The following TMEM132A variants were observed in gnomAD, a reference collection of about 807,000 sequenced individuals.
TMEM132A encodes GRP78-binding protein.
TMEM132A carries 48 observed loss-of-function variants against 69.9 expected under a neutral mutation model. The ratio of observed to expected loss-of-function variants is 0.69; its 90% CI spans 0.55 to 0.87. The LOEUF (loss-of-function observed/expected upper bound fraction) is 0.87. TMEM132A is among the 40% of genes least tolerant of loss of function. The probability of loss-of-function intolerance (pLI) is 0.00; values close to 1 mark genes in which losing one functional copy is unlikely to be tolerated. For synonymous variants in TMEM132A, 577 were observed against 613.7 expected (o/e 0.94, Z 0.88); for missense variants, 1,287 against 1,407.2 (o/e 0.91, Z 1.37).
rs976230053 is a variant in TMEM132A, at chr11:60,927,356, C to T, written c.253C>T (p.Gln85Ter). Residue 85 changes from glutamine to a stop codon, truncating the protein, a stop_gained, in exon 2 of 11, where the codon CAG becomes TAG. Transcript: ENST00000453848. LOFTEE classifies it high-confidence loss of function. The stretch of plus-strand genomic sequence containing the variant: ...CCGATCTGAGACCTTTCTGCTCCTA[C>T]AGCCCTGGCCCAGGGCCCAGCCACT... The part of the protein sequence containing the change: ...SSRSETFLLL[Q>*]PWPRAQPLLR... 2 of 1,613,272 alleles carry T rather than the reference C, an allele frequency of 1.2e-6. No homozygotes were observed. The highest frequency in any genetic ancestry group is 1.3e-5 in the African/African-American group (1 of 74,908).
At chr11:60,931,653 C>G (rs1466300338) in intron 5 of TMEM132A, 36 bp from the exon 6 acceptor site, 1 of 1,574,994 alleles carries the variant, frequency 6.3e-7, no homozygotes, top group South Asian at 1.2e-5. Context: ...TGGCAGCTAG[C>G]AAGCATTTGG....
Position 60,935,779 on chromosome 11 carries a change from A to G in TMEM132A, c.2029-85A>G, listed in dbSNP as rs774045833. On this transcript the variant is annotated intron_variant, in intron 10 of 10. Transcript: ENST00000453848. The surrounding 1 kb of genome is among the most constrained non-coding windows in gnomAD (Gnocchi z 5.0). ...CTGTTTTCTCTCTGGTCTCTCCTCC[A>G]TGTGGCCTATCTCTGTGGGAGTGGT... 1.4e-6 allele frequency: 2 copies of G among 1,467,402 alleles called. No homozygotes were observed. Among genetic ancestry groups the G allele is most frequent in the East Asian group, 4.5e-5 (2 of 43,972 alleles). 90.9% of individuals were successfully genotyped at this position (1,467,402 alleles called of 1,614,324 possible). A position where few individuals can be genotyped will look rare whatever the true frequency, so the allele number is the denominator to read the frequency against.
chr11:60,932,640 A>AT (rs1237520421), intron 7 of TMEM132A: 2 of 152,232 alleles, frequency 1.3e-5, no homozygotes, highest in Non-Finnish European at 2.9e-5. Flanking sequence ...GGTAAAAATT[A>AT]TTATTATTAT....
rs559591298 is a variant in TMEM132A, at chr11:60,930,529, C to T, written c.886C>T (p.Leu296=). The change falls in exon 5 of 11, where the codon CTG becomes TTG. Residue 296 remains leucine, a synonymous_variant. Transcript: ENST00000453848. ...CCCCAGGATCAAGGTGAAGAAGGGG[C>T]TGCATGTGACAGCCGCCCGCCCAGC... ...LTLRIKVKKG[L]HVTAARPAQP... The T allele has an allele frequency of 1.7e-5, 27 of 1,607,742 alleles. No individual in the cohort carries two copies. In the South Asian group the frequency reaches 2.9e-4, roughly 17 times the overall value.
At chr11:60,927,600 C>G (rs1227729594) in intron 2 of TMEM132A, 41 bp from the exon 3 acceptor site, 1 of 1,562,710 alleles carries the variant, frequency 6.4e-7, no homozygotes, top group Non-Finnish European at 8.7e-7. Flanking sequence ...TCTTCCCCTC[C>G]CAAGCTCCTC....
At chr11:60,925,785 A>G (rs1300041466) in intron 1 of TMEM132A, 1 of 152,322 alleles carries the variant, frequency 6.6e-6, no homozygotes, top group African/African-American at 2.4e-5. Context: ...TGCAGCAGCA[A>G]TAATGCCTGC....
chr11:60,931,534 G>A (rs1023189732), intron 5 of TMEM132A, 155 bp from the exon 6 acceptor site: 56 of 731,564 alleles, frequency 7.7e-5, no homozygotes, highest in Non-Finnish European at 1.1e-4. Context: ...TCCCAGCCCC[G>A]CTACTTTTTG....
Position 60,924,668 on chromosome 11 carries a change from C to T in TMEM132A, c.35C>T (p.Ala12Val). ...CARMAGRTTA[A>V]PRGPYGPWLC... ...CGGATGGCCGGTCGCACAACAGCGG[C>T]CCCTCGGGGGCCCTACGGCCCCTGG... Residue 12 changes from alanine (A) to valine (V), a missense_variant, in exon 1 of 11, where the codon GCC (alanine) becomes GTC (valine). Physicochemically the swap from Ala to Val is moderately conservative, Grantham distance 64. Coordinates refer to ENST00000453848, the MANE Select transcript of TMEM132A (RefSeq NM_178031.3). The T allele has an allele frequency of 4.4e-6, 7 of 1,594,420 alleles. No individual in the cohort carries two copies. The highest frequency in any genetic ancestry group is 5.9e-6 in the Non-Finnish European group (7 of 1,176,624).
intron 8 of TMEM132A, 139 bp downstream of exon 8, chr11:60,933,883 C>T: frequency 1.4e-6 from 1 of 727,262 alleles, no homozygotes; most frequent in Non-Finnish European, 2.2e-6. Flanking sequence ...CCCACCTCCA[C>T]CCTGGGCCGC....
chr11:60,927,051 A>T (rs1856360780), intron 1 of TMEM132A, 153 bp from the exon 2 acceptor site: 3 of 716,484 alleles, frequency 4.2e-6, no homozygotes, highest in Non-Finnish European at 7.6e-6. Flanking sequence ...AGCCTCAGTG[A>T]CCTCATCTGT....
At position 60,935,609 on chromosome 11, in the gene TMEM132A, A is replaced by G. The variant is rs1328834621; in HGVS notation, c.2028+166A>G. On this transcript the variant is annotated intron_variant, in intron 10 of 10. Transcript: ENST00000453848. The surrounding 1 kb of genome is among the most constrained non-coding windows in gnomAD (Gnocchi z 5.0). ...TCTCTGCAGCTGGAGGTGATCAAGC[A>G]GTGGCTGGAGTATGGCAGTGGGAGG... is the stretch of plus-strand genomic sequence containing the variant. The G allele has an allele frequency of 6.0e-5, 49 of 821,536 alleles. 1 individual carries two copies. Among genetic ancestry groups the G allele is most frequent in the Non-Finnish European group, 9.0e-5 (48 of 534,916 alleles). The allele number at this position is 821,536 out of a possible 1,614,324, so 50.9% of individuals were successfully genotyped here. A position where few individuals can be genotyped will look rare whatever the true frequency, so the allele number is the denominator to read the frequency against.
chr11:60,932,037 C>T lies in TMEM132A; in HGVS notation c.1266C>T (p.Pro422=), dbSNP rs376819954. 1.0e-4 allele frequency: 162 copies of T among 1,597,692 alleles called. No individual in the cohort carries two copies. Among genetic ancestry groups the T allele is most frequent in the East Asian group, 2.0e-4 (9 of 44,752 alleles). The change falls in exon 7 of 11, where the codon CCC becomes CCT. Residue 422 remains proline, a synonymous_variant. Transcript: ENST00000453848. ...APLTGVPQHV[P]VRLVTVDGGG... The stretch of plus-strand genomic sequence containing the variant: ...TGACTGGAGTGCCCCAGCATGTCCC[C>T]GTGCGCCTTGTCACTGTGGACGGCG...
intron 7 of TMEM132A, 92 bp downstream of exon 7, chr11:60,932,219 AAG>A: frequency 7.1e-7 from 1 of 1,415,988 alleles, no homozygotes; most frequent in Non-Finnish European, 9.3e-7. Flanking sequence ...GTGGGTCCCC[AAG>A]AGAACAGCTT....
rs1856573631 is a variant in TMEM132A, at chr11:60,935,496, A to G, written c.2028+53A>G. 3 of 1,526,552 alleles carry G rather than the reference A, an allele frequency of 2.0e-6. No individual in the cohort carries two copies. The highest frequency in any genetic ancestry group is 1.8e-6 in the Non-Finnish European group (2 of 1,126,298). 94.6% of individuals were successfully genotyped at this position (1,526,552 alleles called of 1,614,324 possible). A position where few individuals can be genotyped will look rare whatever the true frequency, so the allele number is the denominator to read the frequency against. Reference sequence around the variant, plus strand: ...GGTCAACATCTCCAGATGGGGGCTCATGGTAGAGGGGAATGGGAGGAAGGG... The same window carrying G: ...GGTCAACATCTCCAGATGGGGGCTCGTGGTAGAGGGGAATGGGAGGAAGGG... On this transcript the variant is annotated intron_variant, in intron 10 of 10. Coordinates refer to ENST00000453848, the MANE Select transcript of TMEM132A (RefSeq NM_178031.3). This position sits in a 1 kb window ranked among gnomAD's most constrained non-coding sequence, Gnocchi z 5.0.
intron 1 of TMEM132A, chr11:60,926,752 T>G (rs981162295): frequency 2.2e-5 from 5 of 228,652 alleles, no homozygotes; most frequent in African/African-American, 7.0e-5. Flanking sequence ...GGAGGAGGGG[T>G]GGATGCCCAG....
Position 60,937,014 on chromosome 11 carries a change from C to A in TMEM132A, c.*107C>A. 1.6e-6 allele frequency: 2 copies of A among 1,285,958 alleles called. No individual in the cohort carries two copies. Among genetic ancestry groups the A allele is most frequent in the East Asian group, 2.5e-5 (1 of 39,540 alleles). 79.7% of individuals were successfully genotyped at this position (1,285,958 alleles called of 1,614,324 possible). On this transcript the variant is annotated 3_prime_UTR_variant, in exon 11 of 11. Transcript: ENST00000453848. Reference sequence around the variant, plus strand: ...TCGTCTGGTGCTTGTTGATCCAAGTCCCCTGCCTGGTCCCCCACAAGGACT... The same window carrying A: ...TCGTCTGGTGCTTGTTGATCCAAGTACCCTGCCTGGTCCCCCACAAGGACT...
chr11:60,934,284 G>C (rs1177325141), intron 8 of TMEM132A: 3 of 449,582 alleles, frequency 6.7e-6, no homozygotes, highest in Non-Finnish European at 3.8e-6. Flanking sequence ...TCGAGGCACA[G>C]CGCCAGTCGG....
At chr11:60,927,145 C>T (rs755723002) in intron 1 of TMEM132A, 59 bp from the exon 2 acceptor site, 23 of 1,471,570 alleles carry the variant, frequency 1.6e-5, no homozygotes, top group African/African-American at 1.2e-4. Context: ...GCATGGCACC[C>T]GGGTCAGCCC....
Position 60,927,728 on chromosome 11 carries a change from G to A in TMEM132A, c.403G>A (p.Ala135Thr), listed in dbSNP as rs1020654105. Residue 135 changes from alanine to threonine, a missense_variant, in exon 3 of 11, where the codon GCA becomes ACA. By Grantham distance (58) the Ala-to-Thr change is moderately conservative. Coordinates refer to ENST00000453848, the MANE Select transcript of TMEM132A (RefSeq NM_178031.3). ...AVSVEAAVTPAEPYARVLFHL... is the reference protein window; with the variant it reads ...AVSVEAAVTPTEPYARVLFHL... ...TTCAGTGGAAGCGGCTGTGACTCCA[G>A]CAGAGCCCTACGCCCGGGTTCTCTT... is the stretch of plus-strand genomic sequence containing the variant. The A allele has an allele frequency of 2.5e-6, 4 of 1,613,468 alleles. No homozygotes were observed. In the African/African-American group the frequency reaches 5.3e-5, roughly 22 times the overall value.
Sources: allele counts gnomAD v4.1 joint callset, GRCh38; gene constraint gnomAD v4.1.1; non-coding constraint Gnocchi (gnomAD v3.1); transcripts MANE v1.5; gene names NCBI Gene and HGNC (gene_info 2026-07-23, HGNC 2026-07-21).